CD99L2: variants seen among roughly 807,000 people sequenced by gnomAD.
CD99L2 encodes CD99 antigen-like protein 2.
CD99L2 carries 24 observed loss-of-function variants against 27.3 expected under a neutral mutation model. The ratio of observed to expected loss-of-function variants is 0.88; its 90% CI spans 0.64 to 1.24. The LOEUF (loss-of-function observed/expected upper bound fraction) is 1.24, where lower values mean the gene tolerates loss of function less well. Among genes scored for constraint, CD99L2 ranks in the 50% most tolerant of loss-of-function variants. The probability of loss-of-function intolerance (pLI) is 0.00; values close to 1 mark genes in which losing one functional copy is unlikely to be tolerated. For missense variants in CD99L2, 255 were observed against 221.6 expected, an observed-to-expected ratio of 1.15 and a Z score of -0.96; for synonymous variants, 97 against 87.9, an observed-to-expected ratio of 1.10 and a Z score of -0.58.
At position 150,854,915 on chromosome X, in the gene CD99L2, C is replaced by T. The variant is rs782515822; in HGVS notation, c.68-23622G>A. Among the ~76,000 whole-genome samples the T allele has an allele frequency of 1.3e-4, 14 of 110,698 alleles. 1 individual carries two copies. In the East Asian group the frequency reaches 2.0e-3, roughly 16 times the overall value. ...GGCTGCCTGCTGCCCCCCCTCCCCC[C>T]GGTGGTTCACTGCAGCTGGTACAAT... On this transcript the variant is annotated intron_variant, in intron 1 of 10. Coordinates refer to ENST00000370377, the MANE Select transcript of CD99L2 (RefSeq NM_031462.4).
chrX:150,845,307 TGGGG>T, intron 1 of CD99L2, among the ~76,000 whole-genome samples: 3 of 111,810 alleles, frequency 2.7e-5, no homozygotes, highest in African/African-American at 9.8e-5. Flanking sequence ...CTAAAGGGCA[TGGGG>T]TTTCTTTTTC....
intron 4 of CD99L2, among the ~76,000 whole-genome samples, chrX:150,801,246 G>A (rs1252546356): frequency 1.8e-5 from 2 of 111,386 alleles, no homozygotes; most frequent in South Asian, 3.7e-4. Flanking sequence ...GTATTAGTTC[G>A]TTTTCACACT....
At chrX:150,896,207 G>A (rs1211365182) in intron 1 of CD99L2, among the ~76,000 whole-genome samples, 3 of 110,404 alleles carry the variant, frequency 2.7e-5, no homozygotes, top group African/African-American at 9.9e-5. Flanking sequence ...AGACCAGCCT[G>A]GCCAACACAG....
chrX:150,782,204 TA>T (rs2045524609), intron 7 of CD99L2, among the ~76,000 whole-genome samples: 1 of 112,478 alleles, frequency 8.9e-6, no homozygotes, highest in Admixed American at 9.4e-5. Context: ...TTTCATTATC[TA>T]AAAAAATGGC....
Position 150,770,607 on chromosome X carries a change from G to C in CD99L2, c.656-238C>G, listed in dbSNP as rs188315808. Among the ~76,000 whole-genome samples, 174 of 112,906 alleles carry C rather than the reference G, an allele frequency of 1.5e-3. 1 individual carries two copies. The highest frequency in any genetic ancestry group is 9.2e-3 in the Middle Eastern group (2 of 218). ...TCCTCAGAAATAACAACGACATGCA[G>C]CGAAGGCTTCCGGCACTCCATCCTC... is the stretch of plus-strand genomic sequence containing the variant. On this transcript the variant is annotated intron_variant, in intron 9 of 10. Transcript: ENST00000370377.
At chrX:150,772,272 C>T (rs1241452700) in intron 9 of CD99L2, among the ~76,000 whole-genome samples, 3 of 112,734 alleles carry the variant, frequency 2.7e-5, no homozygotes, top group Non-Finnish European at 5.6e-5. Flanking sequence ...GGGGGCAAGG[C>T]GAGCTGGGAG....
chrX:150,769,639 ACTGG>A (rs1569565816), intron 10 of CD99L2, among the ~76,000 whole-genome samples: 2 of 109,281 alleles, frequency 1.8e-5, no homozygotes, highest in Non-Finnish European at 3.9e-5. Flanking sequence ...CTGTAGTTCC[ACTGG>A]CAACACTCGC....
chrX:150,871,263 C>T (rs1384314141), intron 1 of CD99L2, among the ~76,000 whole-genome samples: 2 of 111,759 alleles, frequency 1.8e-5, no homozygotes, highest in Admixed American at 1.9e-4. Context: ...CCAGAGATTA[C>T]TCACATAACT....
Position 150,816,195 on chromosome X carries a change from G to A in CD99L2, c.131-117C>T, listed in dbSNP as rs1422957722. The A allele has an allele frequency of 1.1e-5, 7 of 646,508 alleles. No homozygotes were observed. The Admixed American group carries it at 1.8e-4, about 16-fold the overall frequency. The allele number at this position is 646,508 out of a possible 1,213,427, so 53.3% of individuals were successfully genotyped here. On this transcript the variant is annotated intron_variant, in intron 2 of 10. Coordinates refer to ENST00000370377, the MANE Select transcript of CD99L2 (RefSeq NM_031462.4). ...GAATATCCTTGTCTTGGTCCTTGAG[G>A]CCCCTCTAGCTAGGAGCTCCAGAGA...
chrX:150,832,760 T>C (rs368156865), intron 1 of CD99L2, among the ~76,000 whole-genome samples: 75 of 109,366 alleles, frequency 6.9e-4, no homozygotes, highest in Admixed American at 2.7e-3. Context: ...GCCTAAAGAC[T>C]CCACCAGGGC....
chrX:150,798,141 A>C (rs1341045893), intron 4 of CD99L2, among the ~76,000 whole-genome samples: 1 of 41,538 alleles, frequency 2.4e-5, no homozygotes, highest in Non-Finnish European at 4.0e-5. Flanking sequence ...AAAGGAAGGA[A>C]GGAAGGGAGG....
intron 8 of CD99L2, among the ~76,000 whole-genome samples, chrX:150,776,725 C>G (rs2043562155): frequency 8.9e-6 from 1 of 111,990 alleles, no homozygotes; most frequent in Admixed American, 9.4e-5. Flanking sequence ...AGCACTATGT[C>G]TCCTTGTAGC....
At chrX:150,820,686 AAAAG>A (rs1557420643) in intron 2 of CD99L2, among the ~76,000 whole-genome samples, 1 of 111,803 alleles carries the variant, frequency 8.9e-6, no homozygotes, top group African/African-American at 3.2e-5. Flanking sequence ...TTAGTCAAGA[AAAAG>A]AAAGAAACTC....
intron 4 of CD99L2, among the ~76,000 whole-genome samples, chrX:150,812,567 T>C (rs782765024): frequency 1.8e-5 from 2 of 112,413 alleles, no homozygotes; most frequent in Non-Finnish European, 3.8e-5. Flanking sequence ...CTGGTGAAGA[T>C]ACAGAGAAAA....
intron 1 of CD99L2, among the ~76,000 whole-genome samples, chrX:150,868,930 C>A (rs1330682081): frequency 3.6e-5 from 4 of 112,462 alleles, no homozygotes; most frequent in African/African-American, 9.7e-5. Flanking sequence ...ACAAAGATGA[C>A]TATGATGCTG....
chrX:150,858,486 A>T lies in CD99L2; in HGVS notation c.68-27193T>A, dbSNP rs868945048. Among the ~76,000 whole-genome samples, 197 of 112,805 alleles carry T rather than the reference A, an allele frequency of 1.7e-3. 1 individual carries two copies. The highest frequency in any genetic ancestry group is 6.0e-3 in the African/African-American group (187 of 31,107). ...AAGTCAGTGAATCTTTTTAAAATTA[A>T]ATCATATCAAATATCTTCTCAGACC... On this transcript the variant is annotated intron_variant, in intron 1 of 10. Transcript: ENST00000370377.
In CD99L2 at chrX:150,824,194, A is replaced by G. The variant is rs1433606243; in HGVS notation, c.130+7037T>C. Among the ~76,000 whole-genome samples, 305 of 30,756 alleles carry G rather than the reference A, an allele frequency of 9.9e-3. 28 individuals are homozygous for G. The highest frequency in any genetic ancestry group is 0.052 in the Admixed American group (136 of 2,596). 26.7% of individuals were successfully genotyped at this position (30,756 alleles called of 115,157 possible). On this transcript the variant is annotated intron_variant, in intron 2 of 10. Transcript: ENST00000370377. Reference sequence around the variant, plus strand: ...AGGAGGAGAAGGAGGAGGAGGAAGAAGAAGAGGAGGAGGAAGAGGAGGAGG... The same window carrying G: ...AGGAGGAGAAGGAGGAGGAGGAAGAGGAAGAGGAGGAGGAAGAGGAGGAGG...
chrX:150,775,206 G>A (rs2043529313), intron 9 of CD99L2, among the ~76,000 whole-genome samples: 1 of 112,371 alleles, frequency 8.9e-6, no homozygotes, highest in Admixed American at 9.3e-5. Flanking sequence ...AGCAAGGGTA[G>A]GGAAAGACCC....
rs781827965 is a variant in CD99L2, at chrX:150,850,991, C to T, written c.68-19698G>A. ...AAGCTGGGATTACAGGCACGTGCCA[C>T]GGCACGCGGCTAATTTTTTGTATTT... On this transcript the variant is annotated intron_variant, in intron 1 of 10. Transcript: ENST00000370377. 3.6e-5 allele frequency among the ~76,000 whole-genome samples: 4 copies of T among 111,428 alleles called. No homozygotes were observed. The South Asian group carries it at 1.5e-3, about 43-fold the overall frequency.
Sources: allele counts gnomAD v4.1 joint callset (sites outside exome capture counted in the v4.1 genomes callset), GRCh38; gene constraint gnomAD v4.1.1; transcripts MANE v1.5; gene names NCBI Gene and HGNC (gene_info 2026-07-23, HGNC 2026-07-21).